MAP4K5: variants seen among roughly 807,000 people sequenced by gnomAD.
The protein encoded by MAP4K5 is MAPK/ERK kinase kinase kinase 5.
MAP4K5 carries 82 observed loss-of-function variants against 135.6 expected under a neutral mutation model. The observed-to-expected ratio is 0.60, with a 90% confidence interval of 0.51 to 0.73. MAP4K5 has a LOEUF of 0.73. Ranked by LOEUF, MAP4K5 falls within the 30% of genes least tolerant of loss-of-function variation. The probability of loss-of-function intolerance (pLI) is 0.00; values close to 1 mark genes in which losing one functional copy is unlikely to be tolerated. For missense variants in MAP4K5, 907 were observed against 1,010.9 expected, an observed-to-expected ratio of 0.90 and a Z score of 1.39; for synonymous variants, 347 against 335.0, an observed-to-expected ratio of 1.04 and a Z score of -0.39.
intron 13 of MAP4K5, among the ~76,000 whole-genome samples, chr14:50,458,940 T>C (rs938194123): frequency 9.2e-5 from 14 of 152,068 alleles, no homozygotes; most frequent in Non-Finnish European, 2.1e-4. Context: ...TCCCAGGTAG[T>C]TGGGACTACA....
At chr14:50,525,719 TGCCAGTCCCA>T (rs1290046504) in intron 2 of MAP4K5, among the ~76,000 whole-genome samples, 4 of 152,112 alleles carry the variant, frequency 2.6e-5, no homozygotes, top group African/African-American at 9.7e-5. Context: ...TGGCAGTGTG[TGCCAGTCCCA>T]GCTACTCAGG....
At chr14:50,457,553 A>G (rs2036618564) in intron 13 of MAP4K5, among the ~76,000 whole-genome samples, 1 of 152,046 alleles carries the variant, frequency 6.6e-6, no homozygotes, top group South Asian at 2.1e-4. Context: ...ACCCACCAAA[A>G]CACCAAATAA....
At chr14:50,495,506 T>C (rs1209422723) in intron 3 of MAP4K5, among the ~76,000 whole-genome samples, 3 of 152,226 alleles carry the variant, frequency 2.0e-5, no homozygotes, top group Non-Finnish European at 2.9e-5. Context: ...CAGAAAACAG[T>C]ATTTCTCAAC....
chr14:50,534,176 A>G (rs965098372), upstream of MAP4K5, among the ~76,000 whole-genome samples: 5 of 152,194 alleles, frequency 3.3e-5, no homozygotes, highest in Non-Finnish European at 5.9e-5. Context: ...TCTGAAATAT[A>G]TTTATTCTTA....
intron 1 of MAP4K5, among the ~76,000 whole-genome samples, chr14:50,549,233 A>G (rs1278244191): frequency 3.3e-5 from 5 of 152,132 alleles, no homozygotes; most frequent in Non-Finnish European, 5.9e-5. Flanking sequence ...CCCAACACCA[A>G]TGGTCAGTGG....
chr14:50,429,344 G>A (rs1288588082), intron 28 of MAP4K5, 84 bp from the exon 29 acceptor site: 4 of 766,078 alleles, frequency 5.2e-6, no homozygotes, highest in Non-Finnish European at 8.5e-6. Context: ...CTTTTGCTGT[G>A]ACTTAAAATT....
intron 3 of MAP4K5, among the ~76,000 whole-genome samples, chr14:50,487,577 G>T (rs2037392703): frequency 6.6e-6 from 1 of 152,118 alleles, no homozygotes; most frequent in Admixed American, 6.5e-5. Flanking sequence ...TACATAAATG[G>T]TTACGTATAC....
intron 31 of MAP4K5, 87 bp downstream of exon 31, chr14:50,425,820 A>G (rs1486413053): frequency 2.3e-6 from 2 of 856,088 alleles, no homozygotes; most frequent in Non-Finnish European, 3.8e-6. Flanking sequence ...ACAGTAATGT[A>G]GGTTCAGAGA....
chr14:50,550,742 A>G (rs1263457232), intron 1 of MAP4K5, among the ~76,000 whole-genome samples: 2 of 152,248 alleles, frequency 1.3e-5, no homozygotes, highest in Non-Finnish European at 2.9e-5. Flanking sequence ...TAGCTCCAAA[A>G]GGAATCCTCA....
At chr14:50,431,247 T>A (rs1315131193) in intron 28 of MAP4K5, among the ~76,000 whole-genome samples, 1 of 151,750 alleles carries the variant, frequency 6.6e-6, no homozygotes, top group African/African-American at 2.4e-5. Context: ...TTATCTTTTT[T>A]ATTTATTTAT....
chr14:50,423,241 A>C, intron 31 of MAP4K5, 65 bp from the exon 32 acceptor site: 1 of 663,046 alleles, frequency 1.5e-6, no homozygotes, highest in Non-Finnish European at 2.7e-6. Context: ...ACAATTTAAA[A>C]TTAATTTAGA....
chr14:50,474,657 CA>C (rs2037055995), intron 9 of MAP4K5, among the ~76,000 whole-genome samples: 2 of 151,904 alleles, frequency 1.3e-5, no homozygotes, highest in African/African-American at 4.8e-5. Context: ...GGTGATGGGT[CA>C]ATAGGTGCAG....
intron 1 of MAP4K5, among the ~76,000 whole-genome samples, chr14:50,557,604 G>T (rs1164981432): frequency 6.6e-6 from 1 of 152,096 alleles, no homozygotes; most frequent in Non-Finnish European, 1.5e-5. Flanking sequence ...TGGGCATTCA[G>T]GTTGTTTCCA....
chr14:50,515,659 C>T (rs1361198291), intron 2 of MAP4K5, among the ~76,000 whole-genome samples: 3 of 152,168 alleles, frequency 2.0e-5, no homozygotes, highest in African/African-American at 7.2e-5. Context: ...AACACAAATC[C>T]CAAACTACAA....
intron 31 of MAP4K5, among the ~76,000 whole-genome samples, chr14:50,424,255 GT>G (rs2035795927): frequency 6.6e-6 from 1 of 152,026 alleles, no homozygotes; most frequent in Admixed American, 6.6e-5. Context: ...AATAAATTAG[GT>G]GTTATACTAG....
chr14:50,470,555 G>A (rs997732544), intron 9 of MAP4K5, among the ~76,000 whole-genome samples: 2 of 151,682 alleles, frequency 1.3e-5, no homozygotes, highest in African/African-American at 4.8e-5. Context: ...TGTGTTGACT[G>A]AAAACAATTT....
At chr14:50,491,467 T>C (rs1027732862) in intron 3 of MAP4K5, among the ~76,000 whole-genome samples, 1 of 151,758 alleles carries the variant, frequency 6.6e-6, no homozygotes, top group Non-Finnish European at 1.5e-5. Context: ...GGATTACTTT[T>C]TGTATTTTTA....
intron 14 of MAP4K5, among the ~76,000 whole-genome samples, chr14:50,451,214 A>G (rs568735690): frequency 4.6e-5 from 7 of 152,156 alleles, no homozygotes; most frequent in African/African-American, 1.7e-4. Context: ...AAGATCAATA[A>G]GCTTCAAGTC....
intron 3 of MAP4K5, among the ~76,000 whole-genome samples, chr14:50,504,373 A>C (rs886677108): frequency 6.6e-6 from 1 of 152,142 alleles, no homozygotes; most frequent in African/African-American, 2.4e-5. Flanking sequence ...TCTGACACAC[A>C]GAAGTGTTAA....
Sources: allele counts gnomAD v4.1 joint callset (sites outside exome capture counted in the v4.1 genomes callset), GRCh38; gene constraint gnomAD v4.1.1; transcripts MANE v1.5; gene names NCBI Gene and HGNC (gene_info 2026-07-23, HGNC 2026-07-21).